The following MPP4 variants were observed in gnomAD, a reference collection of about 807,000 sequenced individuals.
MPP4 encodes the protein MAGUK p55 subfamily member 4.
Under a neutral mutation model 98.3 loss-of-function variants are expected in MPP4, and 91 were observed. The ratio of observed to expected loss-of-function variants is 0.93; its 90% CI spans 0.78 to 1.10. The LOEUF is 1.10. Ranked by LOEUF, MPP4 falls within the 50% of genes least tolerant of loss-of-function variation. MPP4 has a pLI of 0.00. For missense variants in MPP4, 744 were observed against 792.9 expected, an observed-to-expected ratio of 0.94 and a Z score of 0.74; for synonymous variants, 261 against 271.8, an observed-to-expected ratio of 0.96 and a Z score of 0.39.
At chr2:201,649,538 C>T in intron 20 of MPP4, 38 bp downstream of exon 20, 1 of 1,454,410 alleles carries the variant, frequency 6.9e-7, no homozygotes, top group South Asian at 1.2e-5. Flanking sequence ...GATACGCATT[C>T]ATTGTTTGGG....
Position 201,681,399 on chromosome 2 carries a change from AAC to A in MPP4, c.732+95_732+96del, listed in dbSNP as rs1688662306. 8.4e-6 allele frequency: 9 copies of A among 1,074,892 alleles called. No homozygotes were observed. In the South Asian group the frequency reaches 1.2e-4, roughly 15 times the overall value. The allele number at this position is 1,074,892 out of a possible 1,614,324, so 66.6% of individuals were successfully genotyped here. ...CCAACACAGTCTTGAATCCAGGTCC[AAC>A]ACAGTACAAAGGATAGGATTATTAC... On this transcript the variant is annotated intron_variant, in intron 9 of 21. Transcript: ENST00000409474.
chr2:201,660,300 A>G lies in MPP4; in HGVS notation c.1087+32T>C, dbSNP rs1199176633. The G allele has an allele frequency of 4.4e-6, 7 of 1,580,842 alleles. No homozygotes were observed. The Admixed American group carries it at 8.3e-5, about 19-fold the overall frequency. On this transcript the variant is annotated intron_variant, in intron 15 of 21. Transcript: ENST00000409474. Reference sequence around the variant, plus strand: ...ACTGAAAGATCTTAAACATAGTTCTATTTGGTATATCTAGGAAATAAAAAC... The same window carrying G: ...ACTGAAAGATCTTAAACATAGTTCTGTTTGGTATATCTAGGAAATAAAAAC...
At chr2:201,690,843 C>T (rs1427956922) in intron 3 of MPP4, among the ~76,000 whole-genome samples, 2 of 152,172 alleles carry the variant, frequency 1.3e-5, no homozygotes, top group Non-Finnish European at 2.9e-5. Context: ...TTTTAAAATT[C>T]CAACTTCATC....
intron 7 of MPP4, among the ~76,000 whole-genome samples, chr2:201,683,885 G>T (rs1352590539): frequency 1.3e-5 from 2 of 152,096 alleles, no homozygotes; most frequent in Non-Finnish European, 2.9e-5. Flanking sequence ...GGGCTTCGGG[G>T]TAGTGAAGAT....
chr2:201,668,971 T>A (rs934319605), intron 12 of MPP4, among the ~76,000 whole-genome samples: 11 of 152,148 alleles, frequency 7.2e-5, no homozygotes, highest in African/African-American at 1.9e-4. Flanking sequence ...TAGATCAGCC[T>A]TCAAAAGTCA....
At chr2:201,688,600 T>G (rs1270932254) in intron 4 of MPP4, among the ~76,000 whole-genome samples, 2 of 152,016 alleles carry the variant, frequency 1.3e-5, no homozygotes, top group Non-Finnish European at 2.9e-5. Context: ...GCATGCCTGA[T>G]GATTTGTTTT....
intron 1 of MPP4, among the ~76,000 whole-genome samples, chr2:201,697,608 C>T (rs977984066): frequency 5.3e-5 from 8 of 152,172 alleles, no homozygotes. Flanking sequence ...AAGGCTGATA[C>T]CTCCCTCAAG....
At chr2:201,682,955 G>A in intron 7 of MPP4, 39 bp from the exon 8 acceptor site, 2 of 1,547,986 alleles carry the variant, frequency 1.3e-6, no homozygotes, top group Middle Eastern at 1.7e-4. Flanking sequence ...AAGATACAAA[G>A]AAGTAGGATA....
At chr2:201,658,358 A>G (rs942989007) in intron 16 of MPP4, 119 bp downstream of exon 16, 6 of 762,974 alleles carry the variant, frequency 7.9e-6, no homozygotes, top group Non-Finnish European at 1.3e-5. Flanking sequence ...AAAGGAAACT[A>G]GAATGAGGAA....
chr2:201,649,938 T>C (rs1265174544), intron 19 of MPP4, 134 bp downstream of exon 19: 2 of 888,608 alleles, frequency 2.3e-6, no homozygotes, highest in Non-Finnish European at 3.4e-6. Context: ...TGTATATCGA[T>C]GTACATTTCT....
chr2:201,668,374 G>T (rs1206044429), intron 12 of MPP4, among the ~76,000 whole-genome samples: 1 of 152,110 alleles, frequency 6.6e-6, no homozygotes, highest in Non-Finnish European at 1.5e-5. Context: ...AGGTCATACT[G>T]CTGGGGCCTT....
chr2:201,693,932 G>A lies in MPP4; in HGVS notation c.23C>T (p.Ala8Val), dbSNP rs778723729. 14 of 1,613,980 alleles carry A rather than the reference G, an allele frequency of 8.7e-6. No homozygotes were observed. The South Asian group carries it at 1.4e-4, about 16-fold the overall frequency. MIQSDKG[A>V]DPPDKKDMKL... ...CATGTCCTTCTTGTCTGGTGGATCT[G>A]CTCCTTTGTCTGACTGTATCATCCT... is the stretch of plus-strand genomic sequence containing the variant. Residue 8 changes from alanine (A) to valine (V), a missense_variant, in exon 2 of 22, where the codon GCA (alanine) becomes GTA (valine). By Grantham distance (64) the Ala-to-Val change is moderately conservative. Coordinates refer to ENST00000409474, the MANE Select transcript of MPP4 (RefSeq NM_033066.3).
At chr2:201,697,034 A>G (rs1056327584) in intron 1 of MPP4, among the ~76,000 whole-genome samples, 7 of 152,132 alleles carry the variant, frequency 4.6e-5, no homozygotes, top group African/African-American at 1.7e-4. Context: ...AACTGGGTTA[A>G]GGTCATGAGG....
chr2:201,668,592 A>C (rs948947302), intron 12 of MPP4, among the ~76,000 whole-genome samples: 1 of 152,130 alleles, frequency 6.6e-6, no homozygotes, highest in Non-Finnish European at 1.5e-5. Context: ...AGCCAGGAAG[A>C]GGCCTTACCA....
At position 201,656,181 on chromosome 2, in the gene MPP4, T is replaced by C. The variant is rs376180433; in HGVS notation, c.1300+17A>G. 2.7e-5 allele frequency: 43 copies of C among 1,587,908 alleles called. No homozygotes were observed. Among genetic ancestry groups the C allele is most frequent in the Non-Finnish European group, 3.1e-5 (36 of 1,166,350 alleles). Reference sequence around the variant, plus strand: ...ACTTCTCAAGGAGGAGGAGAGACAGTGCATGCTGGGACATACCCATGAGCA... The same window carrying C: ...ACTTCTCAAGGAGGAGGAGAGACAGCGCATGCTGGGACATACCCATGAGCA... On this transcript the variant is annotated intron_variant, in intron 17 of 21. Transcript: ENST00000409474.
rs189378800 is a variant in MPP4, at chr2:201,685,021, C to T, written c.574+43G>A. On this transcript the variant is annotated intron_variant, in intron 7 of 21. Transcript: ENST00000409474. ...AAGAAGCCTAAACAGTCAAGGGTTT[C>T]CTGTTTTTCTGGTAACTCTCAATCC... The T allele has an allele frequency of 2.4e-5, 36 of 1,512,378 alleles. No individual in the cohort carries two copies. The East Asian group carries it at 6.9e-4, about 29-fold the overall frequency. 93.7% of individuals were successfully genotyped at this position (1,512,378 alleles called of 1,614,324 possible). A position where few individuals can be genotyped will look rare whatever the true frequency, so the allele number is the denominator to read the frequency against.
intron 14 of MPP4, among the ~76,000 whole-genome samples, chr2:201,661,831 T>C (rs537256626): frequency 2.0e-5 from 3 of 152,298 alleles, no homozygotes; most frequent in Admixed American, 2.0e-4. Flanking sequence ...CTGCTTCTCC[T>C]TCCACAGACC....
Position 201,680,825 on chromosome 2 carries a change from T to C in MPP4, c.929+13A>G. 3.1e-6 allele frequency: 5 copies of C among 1,601,744 alleles called. No individual in the cohort carries two copies. The highest frequency in any genetic ancestry group is 4.3e-6 in the Non-Finnish European group (5 of 1,171,106). ...GGTTCAGCCCTGAGTCCAGGAGTGG[T>C]GACGTTCCTTACCTCTTCAGAAGGT... On this transcript the variant is annotated intron_variant, in intron 10 of 21. Coordinates refer to ENST00000409474, the MANE Select transcript of MPP4 (RefSeq NM_033066.3).
rs1687839563 is a variant in MPP4 at position 201,656,145 on chromosome 2, C to T, written c.1300+53G>A. 4 of 1,505,978 alleles carry T rather than the reference C, an allele frequency of 2.7e-6. No individual in the cohort carries two copies. In the South Asian group the frequency reaches 5.3e-5, roughly 20 times the overall value. 93.3% of individuals were successfully genotyped at this position (1,505,978 alleles called of 1,614,324 possible). A position where few individuals can be genotyped will look rare whatever the true frequency, so the allele number is the denominator to read the frequency against. On this transcript the variant is annotated intron_variant, in intron 17 of 21. Transcript: ENST00000409474. ...TATTCCCAATGCAAGACACCTGAAT[C>T]TAGAAGGAAGACTTCTCAAGGAGGA...
Sources: allele counts gnomAD v4.1 joint callset (sites outside exome capture counted in the v4.1 genomes callset), GRCh38; gene constraint gnomAD v4.1.1; transcripts MANE v1.5; gene names NCBI Gene and HGNC (gene_info 2026-07-23, HGNC 2026-07-21).